The following DPP10 variants were observed in gnomAD, a reference collection of about 807,000 sequenced individuals.
The protein encoded by DPP10 is inactive dipeptidyl peptidase 10.
Under a neutral mutation model 120.9 loss-of-function variants are expected in DPP10, and 33 were observed. The observed-to-expected ratio is 0.27, with a 90% CI of 0.21 to 0.37. The LOEUF (loss-of-function observed/expected upper bound fraction) is 0.37, where lower values mean the gene tolerates loss of function less well. Ranked by LOEUF, DPP10 falls within the 10% of genes least tolerant of loss-of-function variation. DPP10 has a pLI of 1.00. For synonymous variants in DPP10, 337 were observed against 326.1 expected (o/e 1.03, Z -0.36); for missense variants, 816 against 942.8 (o/e 0.87, Z 1.76).
At chr2:114,904,743 G>A (rs1196135832) in intron 1 of DPP10, among the ~76,000 whole-genome samples, 1 of 152,178 alleles carries the variant, frequency 6.6e-6, no homozygotes, top group Non-Finnish European at 1.5e-5. Flanking sequence ...AAATTTCACA[G>A]GATGAGTAGA....
intron 1 of DPP10, among the ~76,000 whole-genome samples, chr2:114,788,540 C>T (rs906670174): frequency 6.6e-5 from 10 of 151,914 alleles, no homozygotes; most frequent in Non-Finnish European, 1.0e-4. Flanking sequence ...CTCAGCCTCC[C>T]GAGTAGCTGG....
At chr2:114,443,595 A>G (rs1038186150) in intron 1 of DPP10, among the ~76,000 whole-genome samples, 4 of 152,046 alleles carry the variant, frequency 2.6e-5, no homozygotes, top group African/African-American at 9.7e-5. Flanking sequence ...CAGACTTCCA[A>G]TCAAAGTTTA....
intron 1 of DPP10, among the ~76,000 whole-genome samples, chr2:115,154,977 C>T (rs1313369627): frequency 4.6e-5 from 7 of 151,748 alleles, no homozygotes; most frequent in East Asian, 3.9e-4. Flanking sequence ...CTGCAACCTC[C>T]GCCTCCCGGG....
intron 1 of DPP10, among the ~76,000 whole-genome samples, chr2:115,128,669 G>A (rs765191656): frequency 7.2e-5 from 11 of 152,060 alleles, no homozygotes; most frequent in Non-Finnish European, 1.5e-4. Flanking sequence ...TTTAATATAA[G>A]GAATTTTACA....
chr2:115,082,453 C>T (rs1708351931), intron 1 of DPP10, among the ~76,000 whole-genome samples: 1 of 152,158 alleles, frequency 6.6e-6, no homozygotes, highest in African/African-American at 2.4e-5. Context: ...TTGCTGGTAA[C>T]ATTGTAGACT....
chr2:115,230,826 G>T (rs1448725684), intron 1 of DPP10, among the ~76,000 whole-genome samples: 2 of 152,050 alleles, frequency 1.3e-5, no homozygotes, highest in South Asian at 2.1e-4. Context: ...CTCATAGTTT[G>T]CTGGAAAGTA....
chr2:114,713,194 G>C (rs1701136764), intron 1 of DPP10, among the ~76,000 whole-genome samples: 1 of 152,008 alleles, frequency 6.6e-6, no homozygotes, highest in Non-Finnish European at 1.5e-5. Context: ...CACCAGGTTG[G>C]TCAGGCTGGT....
chr2:114,481,027 G>GA (rs201790254), intron 1 of DPP10, among the ~76,000 whole-genome samples: 3,396 of 148,426 alleles, frequency 0.023, 109 homozygotes, highest in African/African-American at 0.07. Context: ...GCAGTTAGGG[G>GA]AAAAAAAAAC....
chr2:115,179,253 A>C (rs1468004757), intron 1 of DPP10, among the ~76,000 whole-genome samples: 3 of 152,216 alleles, frequency 2.0e-5, no homozygotes, highest in Non-Finnish European at 2.9e-5. Context: ...GAATTGAACA[A>C]ATTCCCTCTA....
At chr2:114,513,826 A>G (rs1470721706) in intron 1 of DPP10, among the ~76,000 whole-genome samples, 1 of 152,222 alleles carries the variant, frequency 6.6e-6, no homozygotes, top group South Asian at 2.1e-4. Context: ...GAATTAATAT[A>G]CTCATTGAAA....
intron 1 of DPP10, among the ~76,000 whole-genome samples, chr2:114,663,271 T>TATATATATATATACACAC (rs375462897): frequency 6.8e-6 from 1 of 147,300 alleles, no homozygotes; most frequent in African/African-American, 2.5e-5. Context: ...TATATATATA[T>TATATATATATATACACAC]ACACACACAT....
chr2:115,656,644 T>C (rs1369031894), intron 5 of DPP10, among the ~76,000 whole-genome samples: 1 of 151,720 alleles, frequency 6.6e-6, no homozygotes, highest in Admixed American at 6.6e-5. Context: ...TCAGATAATG[T>C]AGACTGTTAT....
chr2:114,536,408 CTTTTTTTTTTTT>C (rs70937287), intron 1 of DPP10, among the ~76,000 whole-genome samples: 1 of 128,732 alleles, frequency 7.8e-6, no homozygotes, highest in Admixed American at 8.5e-5. Context: ...TTTTCTTTTT[CTTTTTTTTTTTT>C]TTTGAGACGT....
intron 3 of DPP10, among the ~76,000 whole-genome samples, chr2:115,399,719 A>G (rs1312926882): frequency 6.6e-6 from 1 of 152,154 alleles, no homozygotes; most frequent in East Asian, 1.9e-4. Context: ...GAGAGGAAGG[A>G]AAATTTTTAT....
chr2:114,571,068 T>A (rs1287965796), intron 1 of DPP10, among the ~76,000 whole-genome samples: 1 of 152,116 alleles, frequency 6.6e-6, no homozygotes, highest in Non-Finnish European at 1.5e-5. Flanking sequence ...GCTAGCTGTA[T>A]ACTGCTTAAA....
chr2:115,737,294 T>C (rs967515589), intron 8 of DPP10, among the ~76,000 whole-genome samples: 5 of 152,112 alleles, frequency 3.3e-5, no homozygotes, highest in Non-Finnish European at 5.9e-5. Flanking sequence ...TTTTATTTTA[T>C]AGTGGAATGG....
At chr2:114,473,476 A>G (rs999125598) in intron 1 of DPP10, among the ~76,000 whole-genome samples, 1 of 152,228 alleles carries the variant, frequency 6.6e-6, no homozygotes, top group Non-Finnish European at 1.5e-5. Flanking sequence ...ACAATGTTAA[A>G]GATTTAATTT....
chr2:115,336,400 T>G (rs1291262976), intron 2 of DPP10, among the ~76,000 whole-genome samples: 2 of 152,030 alleles, frequency 1.3e-5, no homozygotes, highest in Non-Finnish European at 2.9e-5. Context: ...GGATTCTGTT[T>G]CCAGGTCTCT....
At chr2:114,574,293 A>G (rs11693320) in intron 1 of DPP10, among the ~76,000 whole-genome samples, 28,585 of 151,978 alleles carry the variant, frequency 0.19, 2,796 homozygotes, top group East Asian at 0.3. Flanking sequence ...GGGACCCCCT[A>G]TGGAAAGAAA....
Sources: allele counts gnomAD v4.1 joint callset (sites outside exome capture counted in the v4.1 genomes callset), GRCh38; gene constraint gnomAD v4.1.1; transcripts MANE v1.5; gene names NCBI Gene and HGNC (gene_info 2026-07-23, HGNC 2026-07-21).